PCDH15: variants seen among roughly 807,000 people sequenced by gnomAD.
The protein encoded by PCDH15 is protocadherin related 15.
Under a neutral mutation model 178.5 loss-of-function variants are expected in PCDH15, and 129 were observed. That is an observed-to-expected ratio of 0.72 (90% CI 0.63 to 0.84). PCDH15 has a LOEUF of 0.84. PCDH15 is among the 40% of genes least tolerant of loss of function. PCDH15 has a pLI of 0.00. For missense variants in PCDH15, 2,230 were observed against 2,099.9 expected, an observed-to-expected ratio of 1.06 and a Z score of -1.21; for synonymous variants, 800 against 732.0, an observed-to-expected ratio of 1.09 and a Z score of -1.50.
intron 1 of PCDH15, among the ~76,000 whole-genome samples, chr10:55,205,181 G>A (rs183277430): frequency 1.6e-4 from 25 of 152,024 alleles, no homozygotes; most frequent in East Asian, 9.7e-4. Flanking sequence ...AACCACTTAC[G>A]TAAGTTACAA....
chr10:55,151,443 A>G (rs889210292), intron 2 of PCDH15, among the ~76,000 whole-genome samples: 2 of 152,126 alleles, frequency 1.3e-5, no homozygotes, highest in Non-Finnish European at 2.9e-5. Flanking sequence ...CACTAGCCAG[A>G]TAATTACTTG....
In PCDH15 at chr10:53,971,354, A is replaced by T. The variant is rs1202014535; in HGVS notation, c.2869-9462T>A. 4.6e-5 allele frequency among the ~76,000 whole-genome samples: 7 copies of T among 152,346 alleles called. No homozygotes were observed. The South Asian group carries it at 1.2e-3, about 27-fold the overall frequency. On this transcript the variant is annotated intron_variant, in intron 21 of 37. Coordinates refer to ENST00000644397, the MANE Select transcript of PCDH15 (RefSeq NM_001384140.1). ...TCATACTGAATGGGCAAAAACTGGA[A>T]GCATTCCCTTTGAAAACTGGTACAA...
intron 2 of PCDH15, among the ~76,000 whole-genome samples, chr10:55,374,248 G>A (rs1455194416): frequency 2.0e-5 from 3 of 152,090 alleles, no homozygotes; most frequent in Non-Finnish European, 4.4e-5. Flanking sequence ...GGAAGGGGTG[G>A]AGATTTGGTC....
At chr10:55,538,844 CCTTT>C (rs1564442560) in intron 2 of PCDH15, among the ~76,000 whole-genome samples, 172 of 57,836 alleles carry the variant, frequency 3.0e-3, no homozygotes, top group East Asian at 0.01. Context: ...GTTCCTTCCT[CCTTT>C]CCTTCCTTCC....
At chr10:55,165,783 T>C (rs1038418771) in intron 2 of PCDH15, among the ~76,000 whole-genome samples, 3 of 152,016 alleles carry the variant, frequency 2.0e-5, no homozygotes, top group African/African-American at 7.2e-5. Context: ...GTTATATATT[T>C]CTTCTTTAAT....
chr10:55,386,540 C>T (rs1837663485), intron 2 of PCDH15, among the ~76,000 whole-genome samples: 2 of 151,920 alleles, frequency 1.3e-5, no homozygotes, highest in Non-Finnish European at 2.9e-5. Context: ...GCAAAGATAA[C>T]ATAGATCCAA....
chr10:54,129,745 C>T (rs776525680), intron 15 of PCDH15, among the ~76,000 whole-genome samples: 28 of 152,074 alleles, frequency 1.8e-4, no homozygotes, highest in Non-Finnish European at 3.1e-4. Context: ...ACTGAAGTCC[C>T]ACAGTGGGTC....
At chr10:54,637,513 T>G (rs1031420430) in intron 2 of PCDH15, among the ~76,000 whole-genome samples, 1 of 152,042 alleles carries the variant, frequency 6.6e-6, no homozygotes, top group African/African-American at 2.4e-5. Flanking sequence ...TAATAACAGT[T>G]AATTGAGTAC....
intron 1 of PCDH15, among the ~76,000 whole-genome samples, chr10:54,773,834 C>A (rs1375263237): frequency 1.3e-5 from 2 of 151,350 alleles, no homozygotes; most frequent in Non-Finnish European, 2.9e-5. Context: ...GCAAAAATAA[C>A]CTAAAGAAAA....
In PCDH15 at chr10:53,973,710, A is replaced by T. The variant is rs184819418; in HGVS notation, c.2869-11818T>A. Among the ~76,000 whole-genome samples the T allele has an allele frequency of 4.1e-3, 625 of 152,268 alleles. 7 individuals are homozygous for T. The highest frequency in any genetic ancestry group is 6.8e-3 in the Middle Eastern group (2 of 294). ...TTCCCTGTATTCACACAGTATTACC[A>T]CTAGACCACAGCATTTAAATAGATT... On this transcript the variant is annotated intron_variant, in intron 21 of 37. Transcript: ENST00000644397.
chr10:54,144,124 G>T (rs939034309), intron 14 of PCDH15, among the ~76,000 whole-genome samples: 1 of 152,030 alleles, frequency 6.6e-6, no homozygotes, highest in Non-Finnish European at 1.5e-5. Context: ...AGAAGAAAAT[G>T]ATACTATTAG....
intron 2 of PCDH15, among the ~76,000 whole-genome samples, chr10:55,541,350 T>C (rs1841755776): frequency 6.6e-6 from 1 of 152,008 alleles, no homozygotes. Flanking sequence ...TACCCAGTAC[T>C]CTTATAATCA....
At chr10:54,619,741 C>T (rs139854684) in intron 2 of PCDH15, among the ~76,000 whole-genome samples, 7 of 152,054 alleles carry the variant, frequency 4.6e-5, no homozygotes, top group East Asian at 3.9e-4. Flanking sequence ...TCTAGACTGC[C>T]GCACTAGAAC....
chr10:55,429,801 CAT>C (rs1838840586), intron 2 of PCDH15, among the ~76,000 whole-genome samples: 1 of 152,044 alleles, frequency 6.6e-6, no homozygotes, highest in Non-Finnish European at 1.5e-5. Context: ...GCAGGAATAT[CAT>C]GTAATTATTT....
intron 14 of PCDH15, among the ~76,000 whole-genome samples, chr10:54,142,185 A>G (rs919636195): frequency 6.6e-6 from 1 of 152,138 alleles, no homozygotes; most frequent in African/African-American, 2.4e-5. Flanking sequence ...TATAAGTAGT[A>G]TCTGCTAAGC....
intron 2 of PCDH15, among the ~76,000 whole-genome samples, chr10:55,598,227 C>T (rs1178928415): frequency 1.3e-5 from 2 of 151,728 alleles, no homozygotes; most frequent in Admixed American, 6.6e-5. Context: ...CTATCTAAAT[C>T]GTAAAAATCT....
chr10:54,017,404 T>C (rs2092774917), intron 20 of PCDH15, among the ~76,000 whole-genome samples: 1 of 152,062 alleles, frequency 6.6e-6, no homozygotes, highest in Non-Finnish European at 1.5e-5. Context: ...TCATCAACAG[T>C]GAATTAGATA....
chr10:54,038,465 G>A (rs2135490271), intron 18 of PCDH15, among the ~76,000 whole-genome samples: 1 of 152,012 alleles, frequency 6.6e-6, no homozygotes, highest in African/African-American at 2.4e-5. Context: ...CTACTGTGCA[G>A]GGTCAACTAC....
At chr10:54,657,804 T>G in intron 2 of PCDH15, among the ~76,000 whole-genome samples, 1 of 151,900 alleles carries the variant, frequency 6.6e-6, no homozygotes, top group Admixed American at 6.6e-5. Context: ...GGTAGTAGAG[T>G]GTTTTGACAT....
Sources: allele counts gnomAD v4.1 joint callset (sites outside exome capture counted in the v4.1 genomes callset), GRCh38; gene constraint gnomAD v4.1.1; transcripts MANE v1.5; gene names NCBI Gene and HGNC (gene_info 2026-07-23, HGNC 2026-07-21).